Variants in PLEKHA6 observed in about 807,000 individuals in gnomAD.
PLEKHA6 encodes pleckstrin homology domain-containing family A member 6.
PLEKHA6 carries 60 observed loss-of-function variants against 116.7 expected under a neutral mutation model. That is an observed-to-expected ratio of 0.51 (90% CI 0.42 to 0.64). The LOEUF (loss-of-function observed/expected upper bound fraction) is 0.64, where lower values mean the gene tolerates loss of function less well. PLEKHA6 is among the 30% of genes least tolerant of loss of function. The pLI, the probability that PLEKHA6 is intolerant of heterozygous loss-of-function variation, is 0.00. For synonymous variants in PLEKHA6, 489 were observed against 556.1 expected, an observed-to-expected ratio of 0.88 and a Z score of 1.70; for missense variants, 1,338 against 1,422.7, an observed-to-expected ratio of 0.94 and a Z score of 0.96.
At position 204,230,672 on chromosome 1, in the gene PLEKHA6, A is replaced by G. The variant is rs182969902; in HGVS notation, c.2410-86T>C. The G allele has an allele frequency of 5.9e-4, 706 of 1,191,982 alleles. 4 individuals are homozygous for G. The African/African-American group carries it at 9.8e-3, about 17-fold the overall frequency. The allele number at this position is 1,191,982 out of a possible 1,614,324, so 73.8% of individuals were successfully genotyped here. On this transcript the variant is annotated intron_variant, in intron 17 of 22. Coordinates refer to ENST00000272203, the MANE Select transcript of PLEKHA6 (RefSeq NM_014935.5). ...CCTGAACCCTTAACATTTACCTTCTACGGGAAGTCTGCCTGTAGTGGACTG... is the reference window on the plus strand; with the variant it reads ...CCTGAACCCTTAACATTTACCTTCTGCGGGAAGTCTGCCTGTAGTGGACTG...
intron 1 of PLEKHA6, among the ~76,000 whole-genome samples, chr1:204,342,704 A>G (rs1334112172): frequency 6.6e-6 from 1 of 152,236 alleles, no homozygotes; most frequent in African/African-American, 2.4e-5. Context: ...CACTCTGATT[A>G]TGCTGTGGGC....
intron 21 of PLEKHA6, among the ~76,000 whole-genome samples, chr1:204,224,252 TATC>T (rs1239895939): frequency 5.9e-5 from 9 of 152,056 alleles, no homozygotes; most frequent in Admixed American, 5.9e-4. Context: ...TTTACTCTAT[TATC>T]ATTATTATTC....
At chr1:204,293,633 A>G (rs4073194) in intron 1 of PLEKHA6, among the ~76,000 whole-genome samples, 9,888 of 152,262 alleles carry the variant, frequency 0.065, 329 homozygotes, top group Non-Finnish European at 0.074. Context: ...TTTGTTCTTC[A>G]TGAAATGTTT....
At chr1:204,325,959 G>T (rs946919033) in intron 1 of PLEKHA6, 2 of 971,574 alleles carry the variant, frequency 2.1e-6, no homozygotes, top group Non-Finnish European at 2.4e-6. Context: ...GAACACAAAA[G>T]GGGCAGAGTC....
intron 2 of PLEKHA6, 130 bp from the exon 3 acceptor site, chr1:204,273,870 T>C (rs1488428730): frequency 7.6e-6 from 5 of 660,690 alleles, no homozygotes; most frequent in African/African-American, 3.6e-5. Flanking sequence ...TTGAGTGCCA[T>C]TGAGGGGTCA....
intron 3 of PLEKHA6, among the ~76,000 whole-genome samples, chr1:204,272,635 T>C (rs1667586448): frequency 6.6e-6 from 1 of 152,150 alleles, no homozygotes; most frequent in Admixed American, 6.5e-5. Flanking sequence ...CCAGTCTCAT[T>C]ACCTTTCCTT....
chr1:204,266,495 T>C (rs10900570), intron 5 of PLEKHA6, among the ~76,000 whole-genome samples: 102,154 of 152,004 alleles, frequency 0.67, 34,619 homozygotes, highest in East Asian at 0.83. Flanking sequence ...ATCCTGGAGG[T>C]TCAGCACCTC....
intron 1 of PLEKHA6, chr1:204,377,539 T>C (rs1177283436): frequency 6.6e-6 from 1 of 152,140 alleles, no homozygotes; most frequent in African/African-American, 2.4e-5. Context: ...TTGGGCAACT[T>C]AATGGAAAAA....
chr1:204,324,798 G>A (rs1380791395), intron 1 of PLEKHA6, among the ~76,000 whole-genome samples: 2 of 152,128 alleles, frequency 1.3e-5, no homozygotes, highest in Non-Finnish European at 2.9e-5. Context: ...AGGGTATTGG[G>A]TCACCTGTTT....
upstream of PLEKHA6, among the ~76,000 whole-genome samples, chr1:204,360,485 C>A (rs180722013): frequency 9.9e-4 from 149 of 151,116 alleles, no homozygotes; most frequent in African/African-American, 3.1e-3. Context: ...GTTGTGGAGC[C>A]ACTGCCCCCA....
chr1:204,335,490 G>T (rs965897585), intron 1 of PLEKHA6, among the ~76,000 whole-genome samples: 3 of 152,076 alleles, frequency 2.0e-5, no homozygotes, highest in African/African-American at 7.2e-5. Flanking sequence ...AGTCTGAAGG[G>T]GATCCCATCT....
chr1:204,281,905 C>A (rs2102968911), intron 1 of PLEKHA6, among the ~76,000 whole-genome samples: 1 of 152,306 alleles, frequency 6.6e-6, no homozygotes, highest in Admixed American at 6.5e-5. Context: ...ACCCCCAGCC[C>A]CATCCCAAAA....
chr1:204,292,365 C>A (rs1429067895), intron 1 of PLEKHA6, among the ~76,000 whole-genome samples: 3 of 152,184 alleles, frequency 2.0e-5, no homozygotes, highest in Non-Finnish European at 2.9e-5. Flanking sequence ...ACCTCATATA[C>A]CTGAGGCAAG....
At position 204,259,288 on chromosome 1, in the gene PLEKHA6, C is replaced by A. The variant is rs765347130; in HGVS notation, c.977G>T (p.Arg326Leu). 6.2e-7 allele frequency: 1 copy of A among 1,613,922 alleles called. No homozygotes were observed. Among genetic ancestry groups the A allele is most frequent in the African/African-American group, 1.3e-5 (1 of 74,956 alleles). ...NQLQQWVNLR[R>L]GVPPPEDLRS... is the part of the protein sequence containing the mutation. Reference sequence around the variant, plus strand: ...AAGGTCTTCAGGCGGGGGTACCCCCCGGCGCAGATTCACCCACTGCTGAAG... The same window carrying A: ...AAGGTCTTCAGGCGGGGGTACCCCCAGGCGCAGATTCACCCACTGCTGAAG... The change falls in exon 8 of 23, where the codon CGG becomes CTG. Residue 326 changes from arginine to leucine, a missense_variant. Transcript: ENST00000272203. The surrounding 1 kb of genome is among the most constrained non-coding windows in gnomAD (Gnocchi z 4.6).
upstream of PLEKHA6, among the ~76,000 whole-genome samples, chr1:204,360,502 C>A (rs1673536183): frequency 6.6e-6 from 1 of 152,044 alleles, no homozygotes; most frequent in Admixed American, 6.6e-5. Flanking sequence ...CCCACACCAA[C>A]CAGCCAGGCT....
chr1:204,313,467 G>T, intron 1 of PLEKHA6: 2 of 625,740 alleles, frequency 3.2e-6, no homozygotes, highest in Non-Finnish European at 4.0e-6. Flanking sequence ...ACATAGGGAT[G>T]ACCTCCCCAT....
At chr1:204,365,711 T>C (rs1398154) in intron 3 of PLEKHA6, among the ~76,000 whole-genome samples, 2 of 152,218 alleles carry the variant, frequency 1.3e-5, no homozygotes, top group Non-Finnish European at 2.9e-5. Context: ...ATTGCTATCA[T>C]GCACCAGAAA....
Position 204,337,718 on chromosome 1 carries a change from G to T in PLEKHA6, c.-95+21976C>A, listed in dbSNP as rs532234549. Among the ~76,000 whole-genome samples, 194 of 123,824 alleles carry T rather than the reference G, an allele frequency of 1.6e-3. 1 individual carries two copies. The highest frequency in any genetic ancestry group is 9.0e-3 in the African/African-American group (185 of 20,552). The allele number at this position is 123,824 out of a possible 152,430, so 81.2% of individuals were successfully genotyped here. On this transcript the variant is annotated intron_variant, in intron 1 of 22. Coordinates refer to ENST00000272203, the MANE Select transcript of PLEKHA6 (RefSeq NM_014935.5). ...AAAGAAGATGGCGGTCTCTCACTTG[G>T]GGGGGGAATCCAGGGAAAATGACTC...
chr1:204,264,785 A>C (rs1321685183), intron 6 of PLEKHA6, among the ~76,000 whole-genome samples, 157 bp downstream of exon 6: 1 of 152,068 alleles, frequency 6.6e-6, no homozygotes, highest in Non-Finnish European at 1.5e-5. Context: ...TCTAGGGGCC[A>C]TTACTACTCC....
Sources: allele counts gnomAD v4.1 joint callset (sites outside exome capture counted in the v4.1 genomes callset), GRCh38; gene constraint gnomAD v4.1.1; non-coding constraint Gnocchi (gnomAD v3.1); transcripts MANE v1.5; gene names NCBI Gene and HGNC (gene_info 2026-07-23, HGNC 2026-07-21).